The following HECTD3 variants were observed in gnomAD, a reference collection of about 807,000 sequenced individuals.
HECTD3 encodes E3 ubiquitin-protein ligase HECTD3.
Under a neutral mutation model 109.3 loss-of-function variants are expected in HECTD3, and 72 were observed. The ratio of observed to expected loss-of-function variants is 0.66; its 90% CI spans 0.54 to 0.80. The LOEUF is 0.80. HECTD3 is among the 30% of genes least tolerant of loss of function. HECTD3 has a pLI of 0.00. For synonymous variants in HECTD3, 481 were observed against 471.8 expected (o/e 1.02, Z -0.25); for missense variants, 1,041 against 1,165.2 (o/e 0.89, Z 1.55).
At position 45,003,859 on chromosome 1, in the gene HECTD3, G is replaced by T. The variant is rs1233128692; in HGVS notation, c.2425C>A (p.Leu809Met). 2 of 1,612,910 alleles carry T rather than the reference G, an allele frequency of 1.2e-6. No homozygotes were observed. Among genetic ancestry groups the T allele is most frequent in the Admixed American group, 3.3e-5 (2 of 59,922 alleles). ...AGGCCTCCCTCCAGCACTCACCCCAGCTTGTCTGGGTAGATGTAGATCCGT... is the reference window on the plus strand; with the variant it reads ...AGGCCTCCCTCCAGCACTCACCCCATCTTGTCTGGGTAGATGTAGATCCGT... ...PARIYIYPDK[L>M]GYETTDALPE... Residue 809 changes from leucine to methionine, a missense_variant, in exon 19 of 21, where the codon CTG becomes ATG. By Grantham distance (15) the Leu-to-Met change is conservative (BLOSUM62 2). Coordinates refer to ENST00000372172, the MANE Select transcript of HECTD3 (RefSeq NM_024602.6). This position sits in a 1 kb window ranked among gnomAD's most constrained non-coding sequence, Gnocchi z 4.7.
At chr1:45,010,835 G>A (rs1305505972) in intron 1 of HECTD3, 54 bp downstream of exon 1, 9 of 1,505,612 alleles carry the variant, frequency 6.0e-6, no homozygotes, top group South Asian at 5.3e-5. Flanking sequence ...AACAGCCAGA[G>A]GTTTCTCTGG....
chr1:45,006,882 G>A lies in HECTD3; in HGVS notation c.1621+69C>T. On this transcript the variant is annotated intron_variant, in intron 12 of 20. Coordinates refer to ENST00000372172, the MANE Select transcript of HECTD3 (RefSeq NM_024602.6). The surrounding 1 kb of genome is among the most constrained non-coding windows in gnomAD (Gnocchi z 4.7). ...AATAGGTCCCCCATCATCATTAGCT[G>A]GTGAAAAGCCTCTACCACTTTGATA... 1.3e-6 allele frequency: 2 copies of A among 1,592,410 alleles called. No homozygotes were observed. Among genetic ancestry groups the A allele is most frequent in the South Asian group, 1.1e-5 (1 of 90,580 alleles).
chr1:45,009,077 C>T (rs1644760156), intron 7 of HECTD3, 67 bp downstream of exon 7: 3 of 1,254,448 alleles, frequency 2.4e-6, no homozygotes, highest in East Asian at 4.7e-5. Flanking sequence ...TCTCTCCACA[C>T]ACACTCTCTG....
chr1:45,005,559 T>C (rs538261280), intron 15 of HECTD3: 5 of 411,878 alleles, frequency 1.2e-5, no homozygotes, highest in African/African-American at 2.0e-5. Context: ...AGATGCCATC[T>C]TGGGGCAAAC....
In HECTD3 at chr1:45,009,580, C is replaced by A. The variant is rs764703581; in HGVS notation, c.863G>T (p.Gly288Val). ...AGAGCCTACTTACTTGACAATGGTG[C>A]CCTTCTTCATAGTAAGCCGTACCCA... ...QHWVRLTMKKGTIVKKLLLTV... is the reference protein window; with the variant it reads ...QHWVRLTMKKVTIVKKLLLTV... The change falls in exon 5 of 21, where the codon GGC becomes GTC. Residue 288 changes from glycine to valine, a missense_variant. Physicochemically the swap from Gly to Val is moderately radical, Grantham distance 109 (BLOSUM62 -3). Around this residue, in one of 2 missense-constraint regions of HECTD3, gnomAD observed 472 missense variants for 449.9 expected, o/e 1.05. Coordinates refer to ENST00000372172, the MANE Select transcript of HECTD3 (RefSeq NM_024602.6). The A allele has an allele frequency of 6.2e-7, 1 of 1,613,416 alleles. No homozygotes were observed. The highest frequency in any genetic ancestry group is 8.5e-7 in the Non-Finnish European group (1 of 1,179,450).
chr1:45,010,494 CCCT>C, intron 2 of HECTD3, 49 bp downstream of exon 2: 2 of 1,606,838 alleles, frequency 1.2e-6, no homozygotes, highest in Non-Finnish European at 1.7e-6. Context: ...TGTTCCCAAG[CCCT>C]CCTGGCCCGG....
chr1:45,008,477 A>G (rs1471602502), intron 8 of HECTD3, 59 bp downstream of exon 8: 13 of 1,577,604 alleles, frequency 8.2e-6, no homozygotes, highest in South Asian at 7.8e-5. Flanking sequence ...CTCCATGCAG[A>G]CACACAAGGC....
At chr1:45,005,213 C>A in intron 15 of HECTD3, 1 of 277,832 alleles carries the variant, frequency 3.6e-6, no homozygotes. Context: ...AGCCCAGGGC[C>A]GAGCCATCAA....
chr1:45,011,078 G>A lies in HECTD3; in HGVS notation c.180C>T (p.Arg60=), dbSNP rs764067548. The change falls in exon 1 of 21, where the codon CGC becomes CGT. Residue 60 remains arginine, a synonymous_variant. Transcript: ENST00000372172. ...CTGCCTCCCACACCGGCAGAAGCAC[G>A]CGCGACGGTCCCGCTGGGTCCTTGT... ...KLYKDPAGPS[R]VLLPVWEAEG... is the part of the protein sequence containing the mutation. 2 of 1,460,936 alleles carry A rather than the reference G, an allele frequency of 1.4e-6. No individual in the cohort carries two copies. Among genetic ancestry groups the A allele is most frequent in the Non-Finnish European group, 9.0e-7 (1 of 1,109,616 alleles). The allele number at this position is 1,460,936 out of a possible 1,614,324, so 90.5% of individuals were successfully genotyped here. A position where few individuals can be genotyped will look rare whatever the true frequency, so the allele number is the denominator to read the frequency against.
chr1:45,009,911 G>A (rs1644769267), intron 4 of HECTD3, 75 bp downstream of exon 4: 8 of 1,498,664 alleles, frequency 5.3e-6, no homozygotes, highest in Middle Eastern at 1.8e-4. Context: ...GCCTGCAGGT[G>A]GGGGTTCTTT....
At chr1:45,004,406 G>C (rs1414117281) in intron 16 of HECTD3, 29 bp from the exon 17 acceptor site, 2 of 1,613,546 alleles carry the variant, frequency 1.2e-6, no homozygotes, top group Non-Finnish European at 1.7e-6. Context: ...GGCTTGGCTG[G>C]GGAAGAGGGC....
At chr1:45,005,509 G>C in intron 15 of HECTD3, 1 of 325,294 alleles carries the variant, frequency 3.1e-6, no homozygotes, top group South Asian at 9.8e-5. Context: ...GCCCTAGAGG[G>C]GAGTAGTCTT....
chr1:45,010,504 C>T (rs1384615355), intron 2 of HECTD3, 42 bp downstream of exon 2: 2 of 1,610,778 alleles, frequency 1.2e-6, no homozygotes, highest in Non-Finnish European at 1.7e-6. Flanking sequence ...CCCTCCTGGC[C>T]CGGCCTTCTG....
chr1:45,005,782 G>T lies in HECTD3; in HGVS notation c.1935+12C>A. 6.4e-7 allele frequency: 1 copy of T among 1,572,852 alleles called. No individual in the cohort carries two copies. Among genetic ancestry groups the T allele is most frequent in the Non-Finnish European group, 8.6e-7 (1 of 1,161,750 alleles). On this transcript the variant is annotated intron_variant, in intron 15 of 20. Transcript: ENST00000372172. ...CTGGGCAGAGGAAACACTGGTTCCA[G>T]GTCCTACTCACCAGCACAGAGTCCA...
At position 45,004,318 on chromosome 1, in the gene HECTD3, C is replaced by T. The variant is rs1367964681; in HGVS notation, c.2202G>A (p.Leu734=). ...CTTTCTTCTCCAACTCTTGCCAGGTCAGCAAGTCCAGCACAGCCTGTGGTA... is the reference window on the plus strand; with the variant it reads ...CTTTCTTCTCCAACTCTTGCCAGGTTAGCAAGTCCAGCACAGCCTGTGGTA... ...KVVPQAVLDL[L]TWQELEKKVC... Residue 734 remains leucine, a synonymous_variant, in exon 17 of 21, where the codon CTG becomes CTA. Coordinates refer to ENST00000372172, the MANE Select transcript of HECTD3 (RefSeq NM_024602.6). The T allele has an allele frequency of 5.0e-6, 8 of 1,613,936 alleles. No individual in the cohort carries two copies. Among genetic ancestry groups the T allele is most frequent in the Non-Finnish European group, 5.9e-6 (7 of 1,179,936 alleles).
chr1:45,009,406 C>T lies in HECTD3; in HGVS notation c.952G>A (p.Asp318Asn). The change falls in exon 6 of 21, where the codon GAC (aspartate) becomes AAC (asparagine). Residue 318 changes from aspartate (D) to asparagine (N), a missense_variant. Asp to Asn is a conservative substitution (Grantham distance 23). Around this residue, in one of 2 missense-constraint regions of HECTD3, gnomAD observed 472 missense variants for 449.9 expected, o/e 1.05. Coordinates refer to ENST00000372172, the MANE Select transcript of HECTD3 (RefSeq NM_024602.6). ...KRVVVYGGEG[D>N]NLKKLSDVSI... is the part of the protein sequence containing the mutation. ...ACGTCACTCAGCTTCTTCAGGTTGTCCCCTTCACCCCCATAGACCACCACC... is the reference window on the plus strand; with the variant it reads ...ACGTCACTCAGCTTCTTCAGGTTGTTCCCTTCACCCCCATAGACCACCACC... 10 of 1,614,070 alleles carry T rather than the reference C, an allele frequency of 6.2e-6. No homozygotes were observed. Among genetic ancestry groups the T allele is most frequent in the Non-Finnish European group, 8.5e-6 (10 of 1,179,946 alleles).
chr1:45,003,746 G>T lies in HECTD3; in HGVS notation c.2430-6C>A. The T allele has an allele frequency of 6.2e-7, 1 of 1,613,980 alleles. No homozygotes were observed. The highest frequency in any genetic ancestry group is 1.1e-5 in the South Asian group (1 of 91,074). ...GCGCGTCTGTGGTCTCGTAGCTGGG[G>T]GCATTGAGGGACCATAGGTCAGGAA... On this transcript the variant is annotated splice_region_variant and splice_polypyrimidine_tract_variant and intron_variant, in intron 19 of 20. Transcript: ENST00000372172. This position sits in a 1 kb window ranked among gnomAD's most constrained non-coding sequence, Gnocchi z 4.7.
At position 45,010,702 on chromosome 1, in the gene HECTD3, TG is replaced by T; in HGVS notation, c.373del (p.Gln125SerfsTer60). The T allele has an allele frequency of 6.5e-7, 1 of 1,549,528 alleles. No homozygotes were observed. The highest frequency in any genetic ancestry group is 8.7e-7 in the Non-Finnish European group (1 of 1,152,912). On this transcript the variant is annotated frameshift_variant, in exon 2 of 21. Transcript: ENST00000372172. LOFTEE classifies it high-confidence loss of function. ...GCAGTCGCCCAGGTGCTCTGCCAGC[TG>T]CTCCTGCCGGGACGCGTAGGATGGG... is the stretch of plus-strand genomic sequence containing the variant. ...HGLWVKLTKE[Q>X]LAEHLGDCGL...
chr1:45,003,737 G>A lies in HECTD3; in HGVS notation c.2433C>T (p.Tyr811=), dbSNP rs377140982. 260 of 1,614,012 alleles carry A rather than the reference G, an allele frequency of 1.6e-4. No individual in the cohort carries two copies. The highest frequency in any genetic ancestry group is 2.3e-4 in the Admixed American group (14 of 60,000). ...RIYIYPDKLG[Y]ETTDALPESS... The stretch of plus-strand genomic sequence containing the variant: ...ACTCGGGCAGCGCGTCTGTGGTCTC[G>A]TAGCTGGGGGCATTGAGGGACCATA... Residue 811 remains tyrosine (Y), a synonymous_variant, in exon 20 of 21, where the codon TAC becomes TAT. Coordinates refer to ENST00000372172, the MANE Select transcript of HECTD3 (RefSeq NM_024602.6). The surrounding 1 kb of genome is among the most constrained non-coding windows in gnomAD (Gnocchi z 4.7).
Sources: gnomAD v4.1 joint callset for allele counts on GRCh38, gnomAD v4.1.1 for gene constraint, gnomAD v4.1.1 regional missense constraint, Gnocchi (gnomAD v3.1) non-coding constraint, MANE v1.5 for transcripts, NCBI Gene and HGNC (gene_info 2026-07-23, HGNC 2026-07-21) for gene names.